The following MYOF variants were observed in gnomAD, a reference collection of about 807,000 sequenced individuals.
The protein encoded by MYOF is myoferlin, also known as fer-1-like 3, myoferlin.
A neutral mutation model predicts 284.2 loss-of-function variants in MYOF; 244 were observed. The ratio of observed to expected loss-of-function variants is 0.86; its 90% CI spans 0.77 to 0.95. The LOEUF is 0.95. Among genes scored for constraint, MYOF ranks in the 40% least tolerant of loss-of-function variants. MYOF has a pLI of 0.00. For synonymous variants in MYOF, 904 were observed against 919.7 expected (o/e 0.98, Z 0.31); for missense variants, 2,496 against 2,560.6 (o/e 0.97, Z 0.54).
chr10:93,457,078 C>T (rs758096249), intron 1 of MYOF, 141 bp from the exon 2 acceptor site: 2 of 614,856 alleles, frequency 3.3e-6, no homozygotes, highest in South Asian at 2.2e-5. Flanking sequence ...TGGGTGTTTA[C>T]CTGAATCACA....
At chr10:93,454,387 A>G (rs2056681232) in intron 2 of MYOF, among the ~76,000 whole-genome samples, 1 of 152,218 alleles carries the variant, frequency 6.6e-6, no homozygotes, top group Non-Finnish European at 1.5e-5. Flanking sequence ...GCCAGCTCGC[A>G]TGACAGCACA....
intron 25 of MYOF, 119 bp from the exon 26 acceptor site, chr10:93,366,674 G>T: frequency 1.2e-6 from 1 of 820,012 alleles, no homozygotes; most frequent in Non-Finnish European, 1.9e-6. Flanking sequence ...GCAGAAAAAA[G>T]CTTTATGCTC....
intron 53 of MYOF, 48 bp from the exon 54 acceptor site, chr10:93,307,049 G>A: frequency 6.6e-7 from 1 of 1,517,642 alleles, no homozygotes; most frequent in South Asian, 1.2e-5. Flanking sequence ...ATGTATATAT[G>A]TTTTTCAGTT....
intron 51 of MYOF, among the ~76,000 whole-genome samples, chr10:93,312,455 C>T (rs937359511): frequency 2.0e-5 from 3 of 152,246 alleles, no homozygotes; most frequent in Non-Finnish European, 2.9e-5. Context: ...AAGTGATTCT[C>T]GTGCCTCAGC....
At position 93,355,459 on chromosome 10, in the gene MYOF, G is replaced by A. The variant is rs148623789; in HGVS notation, c.3403+169C>T. Among the ~76,000 whole-genome samples, 1,808 of 152,192 alleles carry A rather than the reference G, an allele frequency of 0.012. 45 individuals are homozygous for A. The highest frequency in any genetic ancestry group is 0.042 in the African/African-American group (1,732 of 41,506). Reference sequence around the variant, plus strand: ...AAATTAGCCAGGCATGGTGACGTGCGCCTGTAGTCCCAGCTACTCAGGAGG... The same window carrying A: ...AAATTAGCCAGGCATGGTGACGTGCACCTGTAGTCCCAGCTACTCAGGAGG... On this transcript the variant is annotated intron_variant, in intron 31 of 53. Transcript: ENST00000359263.
At chr10:93,456,654 C>A (rs2056750256) in intron 2 of MYOF, among the ~76,000 whole-genome samples, 1 of 152,194 alleles carries the variant, frequency 6.6e-6, no homozygotes, top group South Asian at 2.1e-4. Flanking sequence ...ACTCTCCTGC[C>A]AGTCCAGGCT....
chr10:93,309,508 T>A (rs935137103), intron 53 of MYOF, among the ~76,000 whole-genome samples: 1 of 152,016 alleles, frequency 6.6e-6, no homozygotes, highest in African/African-American at 2.4e-5. Flanking sequence ...TAGATAAATG[T>A]GGACAGAGAA....
chr10:93,446,168 A>G (rs1376264987), intron 3 of MYOF, among the ~76,000 whole-genome samples: 1 of 149,322 alleles, frequency 6.7e-6, no homozygotes, highest in East Asian at 1.9e-4. Context: ...GCAGGAAATC[A>G]TGCCTTGTTC....
intron 3 of MYOF, among the ~76,000 whole-genome samples, chr10:93,444,317 C>T (rs1185859731): frequency 2.6e-5 from 4 of 152,170 alleles, no homozygotes; most frequent in East Asian, 1.9e-4. Context: ...GCTGGTCTTA[C>T]GGCATTGAAC....
At chr10:93,308,603 A>G (rs981649340) in intron 53 of MYOF, among the ~76,000 whole-genome samples, 1 of 151,174 alleles carries the variant, frequency 6.6e-6, no homozygotes, top group Non-Finnish European at 1.5e-5. Context: ...AAAAAAAAGC[A>G]GTTTGACCAG....
intron 5 of MYOF, among the ~76,000 whole-genome samples, chr10:93,421,556 G>A (rs1848358755): frequency 2.6e-5 from 4 of 152,326 alleles, no homozygotes; most frequent in Middle Eastern, 3.4e-3. Flanking sequence ...AGGTGTTTGG[G>A]TCATGGGGGT....
chr10:93,425,837 G>A (rs1004017467), intron 5 of MYOF: 79 of 561,588 alleles, frequency 1.4e-4, no homozygotes, highest in Middle Eastern at 4.8e-4. Context: ...TGTGCTCACC[G>A]TGAGGTTGTT....
chr10:93,364,964 C>T (rs1845260436), intron 26 of MYOF, among the ~76,000 whole-genome samples: 1 of 152,180 alleles, frequency 6.6e-6, no homozygotes, highest in South Asian at 2.1e-4. Flanking sequence ...CCATCCAGCC[C>T]TGACATGCTT....
chr10:93,362,010 G>A (rs7078985), intron 27 of MYOF, among the ~76,000 whole-genome samples: 41,205 of 151,680 alleles, frequency 0.27, 6,851 homozygotes, highest in East Asian at 0.87. Flanking sequence ...GTGCAGTGGC[G>A]TAATCTCGGC....
At chr10:93,395,831 C>T (rs1050090692) in intron 16 of MYOF, among the ~76,000 whole-genome samples, 8 of 151,036 alleles carry the variant, frequency 5.3e-5, no homozygotes, top group East Asian at 1.9e-4. Context: ...TTCATAAAAC[C>T]GCTATTGGGA....
chr10:93,354,010 C>T, intron 31 of MYOF, 122 bp from the exon 32 acceptor site: 1 of 706,310 alleles, frequency 1.4e-6, no homozygotes, highest in Non-Finnish European at 2.3e-6. Context: ...ATTATAGTTC[C>T]CCACAGTAAA....
chr10:93,308,764 T>A lies in MYOF; in HGVS notation c.6147+1256A>T, dbSNP rs112689695. 4.9e-3 allele frequency among the ~76,000 whole-genome samples: 747 copies of A among 151,426 alleles called. 8 individuals carry two copies. The highest frequency in any genetic ancestry group is 0.017 in the African/African-American group (715 of 41,312). On this transcript the variant is annotated intron_variant, in intron 53 of 53. Transcript: ENST00000359263. ...TCTCACTTCTTCATCCAGGTTGGAG[T>A]GCAGTGGTGTGGTCTCAGCTCACTG... is the stretch of plus-strand genomic sequence containing the variant.
intron 18 of MYOF, among the ~76,000 whole-genome samples, chr10:93,388,239 A>T (rs1846494873): frequency 7.7e-6 from 1 of 129,122 alleles, no homozygotes; most frequent in African/African-American, 2.9e-5. Context: ...TGGGGGGTGG[A>T]TGGGGCTCTA....
Position 93,306,853 on chromosome 10 carries a change from A to C in MYOF, c.*110T>G. 8.6e-7 allele frequency: 1 copy of C among 1,161,754 alleles called. No individual in the cohort carries two copies. The allele number at this position is 1,161,754 out of a possible 1,614,324, so 72.0% of individuals were successfully genotyped here. On this transcript the variant is annotated 3_prime_UTR_variant, in exon 54 of 54. Transcript: ENST00000359263. ...TCAATGGGGCTCGGTGACATGGCGT[A>C]ACCTGCTACTGGGGTGTGGTCTCAG...
Sources: gnomAD v4.1 joint callset for allele counts (sites outside exome capture counted in the v4.1 genomes callset) on GRCh38, gnomAD v4.1.1 for gene constraint, MANE v1.5 for transcripts, NCBI Gene and HGNC (gene_info 2026-07-23, HGNC 2026-07-21) for gene names.